The following PAX2 variants were observed in gnomAD, a reference collection of about 807,000 sequenced individuals.
PAX2 encodes the protein paired box 2.
In PAX2, 9 loss-of-function variants were observed where a neutral mutation model predicts 41.7. The observed-to-expected ratio is 0.22, with a 90% CI of 0.13 to 0.38. The LOEUF (loss-of-function observed/expected upper bound fraction) is 0.38. Ranked by LOEUF, PAX2 falls within the 10% of genes least tolerant of loss-of-function variation. The probability of loss-of-function intolerance (pLI) is 1.00; values close to 1 mark genes in which losing one functional copy is unlikely to be tolerated. For missense variants in PAX2, 418 were observed against 531.6 expected (o/e 0.79, Z 2.10); for synonymous variants, 221 against 212.7 (o/e 1.04, Z -0.34).
intron 7 of PAX2, among the ~76,000 whole-genome samples, chr10:100,814,351 C>CAAAAAAAAAAA (rs11458573): frequency 1.9e-5 from 1 of 53,714 alleles, no homozygotes; most frequent in Non-Finnish European, 3.0e-5. Flanking sequence ...GACTCCATCT[C>CAAAAAAAAAAA]AAAAAAAAAA....
At chr10:100,780,521 G>A (rs1846575902) in intron 4 of PAX2, among the ~76,000 whole-genome samples, 1 of 152,170 alleles carries the variant, frequency 6.6e-6, no homozygotes, top group Non-Finnish European at 1.5e-5. Context: ...TACTAGGCCA[G>A]TGTTACAGTG....
intron 1 of PAX2, among the ~76,000 whole-genome samples, chr10:100,737,233 A>G (rs1457542879): frequency 6.6e-6 from 1 of 152,150 alleles, no homozygotes; most frequent in African/African-American, 2.4e-5. Context: ...CAAGGCATCT[A>G]GGCCCCCTCC....
Position 100,750,248 on chromosome 10 carries a change from T to C in PAX2, c.212+334T>C, listed in dbSNP as rs1042720340. Among the ~76,000 whole-genome samples the C allele has an allele frequency of 6.8e-6, 1 of 146,094 alleles. No homozygotes were observed. The highest frequency in any genetic ancestry group is 1.5e-5 in the Non-Finnish European group (1 of 66,602). ...AGACATTAGAGGAATGGGGGGGGAG[T>C]GAAAATGGGTCCCCGAGAGGAGAAG... On this transcript the variant is annotated intron_variant, in intron 2 of 9. Coordinates refer to ENST00000355243, the MANE Select transcript of PAX2 (RefSeq NM_000278.5). The surrounding 1 kb of genome is among the most constrained non-coding windows in gnomAD (Gnocchi z 4.1).
intron 3 of PAX2, among the ~76,000 whole-genome samples, chr10:100,776,250 A>C (rs11190698): frequency 0.18 from 27,826 of 151,616 alleles, 2,801 homozygotes; most frequent in Middle Eastern, 0.31. Flanking sequence ...GCCTCCTTTT[A>C]CTCCCTATGC....
At chr10:100,770,641 C>T (rs770349011) in intron 3 of PAX2, among the ~76,000 whole-genome samples, 12 of 152,210 alleles carry the variant, frequency 7.9e-5, no homozygotes, top group East Asian at 3.8e-4. Context: ...GGGCACGTGG[C>T]GGAAAGATTA....
intron 5 of PAX2, among the ~76,000 whole-genome samples, chr10:100,793,120 G>T (rs1847191093): frequency 6.6e-6 from 1 of 152,158 alleles, no homozygotes; most frequent in African/African-American, 2.4e-5. Flanking sequence ...ACTGGTTCTG[G>T]CCCCTGCTGG....
intron 7 of PAX2, among the ~76,000 whole-genome samples, chr10:100,821,092 A>C (rs1316808761): frequency 6.6e-6 from 1 of 152,204 alleles, no homozygotes; most frequent in East Asian, 1.9e-4. Flanking sequence ...TTACCCATTC[A>C]TATTCTTTCA....
intron 7 of PAX2, among the ~76,000 whole-genome samples, chr10:100,813,610 CAT>C (rs541864026): frequency 2.8e-4 from 43 of 152,252 alleles, no homozygotes; most frequent in African/African-American, 1.0e-3. Flanking sequence ...AAGGCAAACA[CAT>C]ACACTCGTCT....
At chr10:100,779,419 C>A (rs2133893871) in intron 3 of PAX2, 79 bp from the exon 4 acceptor site, 1 of 1,189,136 alleles carries the variant, frequency 8.4e-7, no homozygotes. Context: ...GGGAGAGAGC[C>A]CCTTTGCAGG....
intron 1 of PAX2, chr10:100,735,803 C>A: frequency 2.1e-6 from 2 of 938,782 alleles, no homozygotes; most frequent in African/African-American, 3.5e-5. Flanking sequence ...CGGCCATGGC[C>A]GGGGCGGGCT....
intron 1 of PAX2, chr10:100,749,145 G>A: frequency 1.0e-6 from 1 of 985,736 alleles, no homozygotes; most frequent in Non-Finnish European, 1.2e-6. Context: ...AAACAACACA[G>A]GAAAGAGGTA....
chr10:100,820,161 T>G (rs17113495), intron 7 of PAX2, among the ~76,000 whole-genome samples: 9,822 of 152,308 alleles, frequency 0.064, 1,032 homozygotes, highest in African/African-American at 0.22. Context: ...TTTTATTCTC[T>G]GAGTCCTTTT....
intron 1 of PAX2, 83 bp downstream of exon 1, chr10:100,746,386 C>A: frequency 1.0e-6 from 1 of 956,894 alleles, no homozygotes; most frequent in Non-Finnish European, 1.7e-6. Flanking sequence ...CCCGGCCCCT[C>A]GCGCTCAGGT....
chr10:100,819,630 T>C (rs1338592752), intron 7 of PAX2, among the ~76,000 whole-genome samples: 2 of 152,170 alleles, frequency 1.3e-5, no homozygotes, highest in South Asian at 2.1e-4. Flanking sequence ...GAAGATTAAA[T>C]GAGATAATAC....
intron 3 of PAX2, among the ~76,000 whole-genome samples, chr10:100,770,122 G>A (rs934380366): frequency 2.7e-4 from 41 of 152,186 alleles, no homozygotes; most frequent in African/African-American, 9.9e-4. Flanking sequence ...GGTAGGAAAG[G>A]CTAGAGGTAG....
At chr10:100,786,641 C>T (rs1260278533) in intron 5 of PAX2, among the ~76,000 whole-genome samples, 5 of 152,048 alleles carry the variant, frequency 3.3e-5, no homozygotes, top group Admixed American at 2.6e-4. Context: ...ACTGTGTGAG[C>T]GGGGAGAGCT....
chr10:100,769,902 T>C (rs1377804625), intron 3 of PAX2, among the ~76,000 whole-genome samples: 1 of 152,076 alleles, frequency 6.6e-6, no homozygotes, highest in African/African-American at 2.4e-5. Context: ...CAGCTCTGTG[T>C]TAGACCCTGA....
intron 5 of PAX2, among the ~76,000 whole-genome samples, chr10:100,793,830 C>T (rs913492046): frequency 6.6e-6 from 1 of 152,166 alleles, no homozygotes; most frequent in Non-Finnish European, 1.5e-5. Context: ...GGCCCAGGTG[C>T]CCAGTGTGTT....
At chr10:100,805,463 G>A (rs1191033694) in intron 5 of PAX2, among the ~76,000 whole-genome samples, 2 of 152,116 alleles carry the variant, frequency 1.3e-5, no homozygotes, top group Non-Finnish European at 2.9e-5. Flanking sequence ...GCAAGGTGTG[G>A]GTTCAGAGAG....
Sources: gnomAD v4.1 joint callset for allele counts (sites outside exome capture counted in the v4.1 genomes callset) on GRCh38, gnomAD v4.1.1 for gene constraint, Gnocchi (gnomAD v3.1) non-coding constraint, MANE v1.5 for transcripts, NCBI Gene and HGNC (gene_info 2026-07-23, HGNC 2026-07-21) for gene names.